The following RELCH variants were observed in gnomAD, a reference collection of about 807,000 sequenced individuals.
The protein encoded by RELCH is RAB11-binding protein RELCH.
RELCH carries 41 observed loss-of-function variants against 150.3 expected under a neutral mutation model. The observed-to-expected ratio is 0.27, with a 90% CI of 0.21 to 0.35. The LOEUF is 0.35. Ranked by LOEUF, RELCH falls within the 10% of genes least tolerant of loss-of-function variation. The probability of loss-of-function intolerance (pLI) is 1.00; values close to 1 mark genes in which losing one functional copy is unlikely to be tolerated. For synonymous variants in RELCH, 478 were observed against 531.8 expected (o/e 0.90, Z 1.39); for missense variants, 1,092 against 1,467.8 (o/e 0.74, Z 4.18).
intron 13 of RELCH, among the ~76,000 whole-genome samples, chr18:62,256,299 T>C (rs770575169): frequency 6.6e-6 from 1 of 152,054 alleles, no homozygotes; most frequent in South Asian, 2.1e-4. Context: ...GGAAACCAAG[T>C]AGACAGCATT....
intron 28 of RELCH, among the ~76,000 whole-genome samples, chr18:62,301,398 T>C (rs1157808370): frequency 6.6e-6 from 1 of 152,222 alleles, no homozygotes; most frequent in African/African-American, 2.4e-5. Flanking sequence ...CCATACAATC[T>C]CTGTCACAGC....
intron 8 of RELCH, 73 bp from the exon 9 acceptor site, chr18:62,231,121 A>G (rs887757206): frequency 1.6e-5 from 16 of 1,028,068 alleles, no homozygotes; most frequent in East Asian, 9.8e-5. Flanking sequence ...GTTATAATAC[A>G]TAACTTAAAT....
intron 27 of RELCH, among the ~76,000 whole-genome samples, chr18:62,291,844 C>T (rs1347787446): frequency 6.6e-6 from 1 of 152,116 alleles, no homozygotes; most frequent in Non-Finnish European, 1.5e-5. Context: ...GGATAATACA[C>T]TCTCCTTCAC....
At chr18:62,262,647 A>G (rs773289576) in intron 16 of RELCH, among the ~76,000 whole-genome samples, 2 of 151,958 alleles carry the variant, frequency 1.3e-5, no homozygotes, top group Non-Finnish European at 2.9e-5. Flanking sequence ...TTTAGATAAG[A>G]CTTCATAAAG....
intron 8 of RELCH, among the ~76,000 whole-genome samples, chr18:62,229,780 G>A (rs1290608247): frequency 6.6e-6 from 1 of 152,062 alleles, no homozygotes; most frequent in Non-Finnish European, 1.5e-5. Context: ...AAGAAAGAGT[G>A]TTCCCACATG....
chr18:62,255,338 TG>T, intron 12 of RELCH, 68 bp from the exon 13 acceptor site: 1 of 1,030,864 alleles, frequency 9.7e-7, no homozygotes, highest in East Asian at 2.4e-5. Context: ...TGTGGTGAAA[TG>T]TAATTCTCTT....
In RELCH at chr18:62,187,959, G is replaced by T; in HGVS notation, c.454G>T (p.Val152Phe). ...GTPPGMGAPG[V>F]PGAAGVGGAG... ...CCCGCCGGGGATGGGGGCGCCAGGGGTCCCTGGAGCAGCCGGCGTTGGGGG... is the reference window on the plus strand; with the variant it reads ...CCCGCCGGGGATGGGGGCGCCAGGGTTCCCTGGAGCAGCCGGCGTTGGGGG... The change falls in exon 1 of 29, where the codon GTC becomes TTC. Residue 152 changes from valine (V) to phenylalanine (F), a missense_variant. This residue lies in a region of RELCH where 190 missense variants were observed against 276.2 expected (regional missense o/e 0.69). Coordinates refer to ENST00000644646, the MANE Select transcript of RELCH (RefSeq NM_001346231.2). 6.3e-7 allele frequency: 1 copy of T among 1,599,972 alleles called. No individual in the cohort carries two copies.
intron 1 of RELCH, among the ~76,000 whole-genome samples, chr18:62,196,958 T>C (rs1285776347): frequency 6.6e-6 from 1 of 152,166 alleles, no homozygotes; most frequent in African/African-American, 2.4e-5. Context: ...GAAATGGGCC[T>C]GTGGGGAAAG....
At chr18:62,279,173 G>A (rs902987212) in intron 22 of RELCH, among the ~76,000 whole-genome samples, 3 of 152,158 alleles carry the variant, frequency 2.0e-5, no homozygotes, top group Non-Finnish European at 2.9e-5. Context: ...GAGAACTGAC[G>A]TCTGAACCCA....
intron 10 of RELCH, among the ~76,000 whole-genome samples, chr18:62,240,629 G>A (rs4281824): frequency 2.6e-5 from 4 of 151,782 alleles, no homozygotes; most frequent in Admixed American, 1.3e-4. Context: ...GGCTGGTTTC[G>A]AATGCTAATC....
At chr18:62,203,611 A>G (rs1458108612) in intron 1 of RELCH, among the ~76,000 whole-genome samples, 1 of 152,240 alleles carries the variant, frequency 6.6e-6, no homozygotes, top group African/African-American at 2.4e-5. Flanking sequence ...ATTGCTATGT[A>G]CACTTATTTT....
intron 20 of RELCH, 27 bp downstream of exon 20, chr18:62,268,975 TA>T: frequency 1.6e-6 from 2 of 1,231,006 alleles, no homozygotes; most frequent in Non-Finnish European, 2.3e-6. Flanking sequence ...TACTCTCTAG[TA>T]AAAGGCTTTC....
intron 10 of RELCH, among the ~76,000 whole-genome samples, chr18:62,237,528 A>G (rs1175425650): frequency 4.0e-5 from 6 of 151,814 alleles, no homozygotes; most frequent in Non-Finnish European, 8.9e-5. Flanking sequence ...TGCTGTTTTT[A>G]TACTTAACAT....
At chr18:62,257,383 C>CT (rs1453437274) in intron 13 of RELCH, among the ~76,000 whole-genome samples, 1 of 151,860 alleles carries the variant, frequency 6.6e-6, no homozygotes, top group Non-Finnish European at 1.5e-5. Context: ...TTTTATTATC[C>CT]TTTTTTTCCC....
chr18:62,205,957 G>A (rs567431340), intron 1 of RELCH, among the ~76,000 whole-genome samples: 11 of 152,206 alleles, frequency 7.2e-5, no homozygotes, highest in African/African-American at 1.2e-4. Flanking sequence ...CCAGGAAGTC[G>A]AGACTGCAGT....
At position 62,221,221 on chromosome 18, in the gene RELCH, C is replaced by T; in HGVS notation, c.691C>T (p.His231Tyr). 6.2e-7 allele frequency: 1 copy of T among 1,609,416 alleles called. No individual in the cohort carries two copies. The highest frequency in any genetic ancestry group is 1.1e-5 in the South Asian group (1 of 90,874). Residue 231 changes from histidine to tyrosine, a missense_variant and splice_region_variant, in exon 4 of 29, where the codon CAT (histidine) becomes TAT (tyrosine). Transcript: ENST00000644646. ...GTACTTATGTTTTTTTCCACCAGAA[C>T]ATGAAGTTCCTTTACAGGAACGAAA... ...LRANLTKAAE[H>Y]EVPLQERKNY...
intron 13 of RELCH, among the ~76,000 whole-genome samples, chr18:62,256,075 T>C (rs1423221742): frequency 6.6e-6 from 1 of 152,080 alleles, no homozygotes; most frequent in Admixed American, 6.6e-5. Flanking sequence ...AAAGTACTCA[T>C]ATAAAAACCC....
intron 22 of RELCH, chr18:62,275,682 G>A: frequency 2.5e-6 from 1 of 399,354 alleles, no homozygotes; most frequent in Non-Finnish European, 4.4e-6. Context: ...CAGCTTACTG[G>A]TTCCTTGAAT....
In RELCH at chr18:62,291,574, T is replaced by C. The variant is rs1304626817; in HGVS notation, c.3402T>C (p.Phe1134=). 6 of 1,611,014 alleles carry C rather than the reference T, an allele frequency of 3.7e-6. No individual in the cohort carries two copies. Among genetic ancestry groups the C allele is most frequent in the South Asian group, 3.3e-5 (3 of 90,514 alleles). The change falls in exon 27 of 29, where the codon TTT becomes TTC. Residue 1134 remains phenylalanine (F), a synonymous_variant. Transcript: ENST00000644646. ...FISEDLMVNH[F]LPGLRCLRTD... ...CAGAGGATTTAATGGTTAATCACTT[T>C]TTACCTGGTCTCAGATGTTTACGGA...
Sources: allele counts gnomAD v4.1 joint callset (sites outside exome capture counted in the v4.1 genomes callset), GRCh38; gene constraint gnomAD v4.1.1; regional missense constraint gnomAD v4.1.1; transcripts MANE v1.5; gene names NCBI Gene and HGNC (gene_info 2026-07-23, HGNC 2026-07-21).